The following ATP13A5 variants were observed in gnomAD, a reference collection of about 807,000 sequenced individuals.
The protein encoded by ATP13A5 is ATPase 13A5.
A neutral mutation model predicts 150.2 loss-of-function variants in ATP13A5; 149 were observed. That is an observed-to-expected ratio of 0.99 (90% confidence interval 0.87 to 1.14). The LOEUF (loss-of-function observed/expected upper bound fraction) is 1.14. Ranked by LOEUF, ATP13A5 falls within the 50% of genes most tolerant of loss-of-function variation. The probability of loss-of-function intolerance (pLI) is 0.00; values close to 1 mark genes in which losing one functional copy is unlikely to be tolerated. For missense variants in ATP13A5, 1,383 were observed against 1,449.3 expected (o/e 0.95, Z 0.74); for synonymous variants, 497 against 522.2 (o/e 0.95, Z 0.66).
chr3:193,314,670 G>T (rs1260990399), intron 18 of ATP13A5, among the ~76,000 whole-genome samples: 1 of 152,078 alleles, frequency 6.6e-6, no homozygotes, highest in Non-Finnish European at 1.5e-5. Flanking sequence ...AGGGATCACT[G>T]GGTTTCTTGA....
intron 27 of ATP13A5, among the ~76,000 whole-genome samples, chr3:193,282,823 A>G (rs534734699): frequency 9.8e-5 from 15 of 152,378 alleles, no homozygotes; most frequent in African/African-American, 3.4e-4. Context: ...TACCAATGTA[A>G]ATTCTTCCCA....
intron 1 of ATP13A5, among the ~76,000 whole-genome samples, chr3:193,371,264 C>G (rs762413090): frequency 1.3e-5 from 2 of 152,198 alleles, no homozygotes; most frequent in Non-Finnish European, 2.9e-5. Context: ...TCAAATTTCT[C>G]TCTAGGAAAA....
chr3:193,369,314 A>G (rs1273647168), intron 1 of ATP13A5, among the ~76,000 whole-genome samples: 1 of 151,890 alleles, frequency 6.6e-6, no homozygotes, highest in Non-Finnish European at 1.5e-5. Flanking sequence ...AGTTGATTAA[A>G]AGGTCTCTGA....
Position 193,307,223 on chromosome 3 carries a change from T to C in ATP13A5, c.2568+104A>G, listed in dbSNP as rs879227007. On this transcript the variant is annotated intron_variant, in intron 22 of 29. Coordinates refer to ENST00000342358, the MANE Select transcript of ATP13A5 (RefSeq NM_198505.4). The stretch of plus-strand genomic sequence containing the variant: ...GGATATAAACAGCAAAATAATCAAA[T>C]GGTTGCTGGTGGAAGGATGAAGAGA... The C allele has an allele frequency of 2.1e-5, 33 of 1,587,138 alleles. 1 individual carries two copies. The South Asian group carries it at 2.2e-4, about 10-fold the overall frequency.
At chr3:193,278,882 C>G (rs949109419) in intron 28 of ATP13A5, among the ~76,000 whole-genome samples, 14 of 152,194 alleles carry the variant, frequency 9.2e-5, no homozygotes, top group South Asian at 4.2e-4. Flanking sequence ...AGTTCAATAG[C>G]CTTGATGAAT....
At chr3:193,356,369 T>C (rs961381387) in intron 5 of ATP13A5, among the ~76,000 whole-genome samples, 1 of 152,190 alleles carries the variant, frequency 6.6e-6, no homozygotes, top group African/African-American at 2.4e-5. Context: ...TATTATATGC[T>C]GAATGAACGA....
rs749647100 is a variant in ATP13A5, at chr3:193,335,042, C to T, written c.1001G>A (p.Trp334Ter). The T allele has an allele frequency of 3.1e-6, 5 of 1,613,918 alleles. No individual in the cohort carries two copies. The South Asian group carries it at 4.4e-5, about 14-fold the overall frequency. Residue 334 changes from tryptophan to a stop codon, truncating the protein, a stop_gained, in exon 10 of 30, where the codon TGG (tryptophan) becomes TAG (stop). Transcript: ENST00000342358. LOFTEE classifies it high-confidence loss of function. ...PLPQMENTMP[W>*]KCHSLEDYRK... ...ATAATCCTCCAAACTGTGACATTTC[C>T]AAGGCATAGTGTTCTCCATCTGGGG... is the stretch of plus-strand genomic sequence containing the variant.
chr3:193,299,322 G>T (rs1221402573), intron 24 of ATP13A5, 119 bp from the exon 25 acceptor site: 1 of 666,014 alleles, frequency 1.5e-6, no homozygotes, highest in East Asian at 3.0e-5. Flanking sequence ...CCCTCTTCAG[G>T]AAGAAAATGA....
chr3:193,276,898 TATTTA>T, intron 28 of ATP13A5, 68 bp from the exon 29 acceptor site: 2 of 1,124,598 alleles, frequency 1.8e-6, no homozygotes, highest in Non-Finnish European at 2.6e-6. Context: ...CCATATTAAT[TATTTA>T]ATTTATAGAT....
chr3:193,311,788 A>G (rs1258103983), intron 20 of ATP13A5, 28 bp downstream of exon 20: 1 of 1,612,434 alleles, frequency 6.2e-7, no homozygotes, highest in South Asian at 1.1e-5. Context: ...GAGGAGCAAA[A>G]CAAAACACTT....
chr3:193,286,974 T>C (rs886594812), intron 26 of ATP13A5, among the ~76,000 whole-genome samples: 38 of 152,124 alleles, frequency 2.5e-4, no homozygotes, highest in Non-Finnish European at 1.6e-4. Context: ...ATTGCTGATA[T>C]GAAGAAAATT....
chr3:193,327,824 T>A (rs1339897275), intron 12 of ATP13A5, among the ~76,000 whole-genome samples: 1 of 152,216 alleles, frequency 6.6e-6, no homozygotes, highest in African/African-American at 2.4e-5. Flanking sequence ...TTAGGCCTGC[T>A]TAACACCCTG....
At chr3:193,363,462 G>T in intron 2 of ATP13A5, 80 bp from the exon 3 acceptor site, 3 of 1,343,178 alleles carry the variant, frequency 2.2e-6, no homozygotes, top group Non-Finnish European at 3.1e-6. Context: ...CTACCAAGTG[G>T]TACAAAACTT....
intron 9 of ATP13A5, among the ~76,000 whole-genome samples, chr3:193,341,542 C>T (rs553473646): frequency 8.5e-5 from 13 of 152,204 alleles, no homozygotes; most frequent in African/African-American, 3.1e-4. Flanking sequence ...GCGAACAGCA[C>T]CAGGATCTGC....
At chr3:193,312,003 C>T (rs567629754) in intron 19 of ATP13A5, 62 bp from the exon 20 acceptor site, 13 of 1,572,912 alleles carry the variant, frequency 8.3e-6, no homozygotes, top group Middle Eastern at 1.7e-4. Flanking sequence ...CTTTCCTATG[C>T]GTTATTGAAG....
In ATP13A5 at chr3:193,311,815, C is replaced by CTT; in HGVS notation, c.2444_2445dup (p.Ile816LysfsTer4). On this transcript the variant is annotated frameshift_variant and splice_region_variant. Coordinates refer to ENST00000342358, the MANE Select transcript of ATP13A5 (RefSeq NM_198505.4). LOFTEE classifies it high-confidence loss of function. ...AAAACACTTCTTTCTTCAGTACTTACTTTTGGAAGCAAGCTGTTGAAATGC... is the reference window on the plus strand; with the variant it reads ...AAAACACTTCTTTCTTCAGTACTTACTTTTTTGGAAGCAAGCTGTTGAAATGC... The CTT allele has an allele frequency of 6.2e-7, 1 of 1,613,686 alleles. No individual in the cohort carries two copies. Among genetic ancestry groups the CTT allele is most frequent in the Non-Finnish European group, 8.5e-7 (1 of 1,179,770 alleles).
At chr3:193,279,118 A>T (rs1717361314) in intron 28 of ATP13A5, among the ~76,000 whole-genome samples, 1 of 152,216 alleles carries the variant, frequency 6.6e-6, no homozygotes, top group African/African-American at 2.4e-5. Context: ...ACATAGCATA[A>T]TAAAGTATCC....
At position 193,345,012 on chromosome 3, in the gene ATP13A5, T is replaced by C. The variant is rs1434120727; in HGVS notation, c.805A>G (p.Lys269Glu). The change falls in exon 8 of 30, where the codon AAA (lysine) becomes GAA (glutamate). Residue 269 changes from lysine (K) to glutamate (E), a missense_variant. By Grantham distance (56) the Lys-to-Glu change is moderately conservative. Around this residue, in one of 3 missense-constraint regions of ATP13A5, gnomAD observed 787 missense variants for 771.9 expected, o/e 1.02. Transcript: ENST00000342358. ...HNKVQVTIIV[K>E]DKGLEELESR... ...CTAACACATCACTTACCTTTGTCTT[T>C]TACAATGATTGTAACCTGGACTTTG... 1.9e-6 allele frequency: 3 copies of C among 1,613,414 alleles called. No individual in the cohort carries two copies. Among genetic ancestry groups the C allele is most frequent in the Non-Finnish European group, 2.5e-6 (3 of 1,179,542 alleles).
intron 7 of ATP13A5, among the ~76,000 whole-genome samples, chr3:193,346,599 T>C (rs1360670171): frequency 6.6e-6 from 1 of 152,198 alleles, no homozygotes; most frequent in African/African-American, 2.4e-5. Flanking sequence ...AAACTTTTTT[T>C]CTTTTAGCTG....
Sources: allele counts gnomAD v4.1 joint callset (sites outside exome capture counted in the v4.1 genomes callset), GRCh38; gene constraint gnomAD v4.1.1; regional missense constraint gnomAD v4.1.1; transcripts MANE v1.5; gene names NCBI Gene and HGNC (gene_info 2026-07-23, HGNC 2026-07-21).